The following SGCD variants were observed in gnomAD, a reference collection of about 807,000 sequenced individuals.
The protein encoded by SGCD is sarcoglycan delta, also known as delta-sarcoglycan.
Under a neutral mutation model 36.6 loss-of-function variants are expected in SGCD, and 18 were observed. The observed-to-expected ratio is 0.49, with a 90% confidence interval of 0.34 to 0.73. SGCD has a LOEUF of 0.73. SGCD is among the 30% of genes least tolerant of loss of function. The probability of loss-of-function intolerance (pLI) is 0.01; values close to 1 mark genes in which losing one functional copy is unlikely to be tolerated. For missense variants in SGCD, 387 were observed against 346.7 expected, an observed-to-expected ratio of 1.12 and a Z score of -0.92; for synonymous variants, 133 against 130.6, an observed-to-expected ratio of 1.02 and a Z score of -0.12.
chr5:156,033,873 A>G (rs894932704), intron 1 of SGCD, among the ~76,000 whole-genome samples: 2 of 152,144 alleles, frequency 1.3e-5, no homozygotes, highest in Admixed American at 6.6e-5. Flanking sequence ...ACTGGCTCAC[A>G]TTGCCCATTT....
the SGCD span, among the ~76,000 whole-genome samples, chr5:155,773,738 A>C: frequency 6.6e-6 from 1 of 152,156 alleles, no homozygotes; most frequent in Admixed American, 6.6e-5. Context: ...TGAAAGAGAC[A>C]ACATTTGGAT....
chr5:156,610,523 C>G (rs1761743378), intron 6 of SGCD, among the ~76,000 whole-genome samples: 1 of 152,244 alleles, frequency 6.6e-6, no homozygotes, highest in Non-Finnish European at 1.5e-5. Context: ...TGTCCGTTCT[C>G]AGATCTCCAG....
At chr5:155,965,973 A>C (rs1757894909) in intron 1 of SGCD, among the ~76,000 whole-genome samples, 2 of 152,026 alleles carry the variant, frequency 1.3e-5, no homozygotes, top group African/African-American at 2.4e-5. Context: ...GAGGAAAAAA[A>C]ATTTCCCTGC....
chr5:156,596,691 T>C (rs193273874), intron 6 of SGCD, among the ~76,000 whole-genome samples: 185 of 152,246 alleles, frequency 1.2e-3, no homozygotes, highest in African/African-American at 4.4e-3. Flanking sequence ...CACATACATG[T>C]CTAATTTCCT....
intron 1 of SGCD, among the ~76,000 whole-genome samples, chr5:155,995,153 C>A (rs142803687): frequency 2.6e-5 from 4 of 152,210 alleles, no homozygotes; most frequent in East Asian, 1.9e-4. Context: ...CACCTGGCAG[C>A]ACTCAGATGA....
chr5:156,514,406 G>A (rs1757070917), intron 4 of SGCD, among the ~76,000 whole-genome samples: 1 of 152,208 alleles, frequency 6.6e-6, no homozygotes, highest in Non-Finnish European at 1.5e-5. Context: ...CTCCATTTGA[G>A]GGTGGGTATA....
chr5:156,695,738 A>G (rs1371164031), intron 7 of SGCD, among the ~76,000 whole-genome samples: 3 of 152,272 alleles, frequency 2.0e-5, no homozygotes, highest in East Asian at 3.9e-4. Flanking sequence ...AGGACATATA[A>G]TTTTTGCATC....
At chr5:155,774,767 A>G in the SGCD span, among the ~76,000 whole-genome samples, 1 of 152,098 alleles carries the variant, frequency 6.6e-6, no homozygotes, top group Non-Finnish European at 1.5e-5. Context: ...CCCCACCTCA[A>G]GGTCCTTAAC....
intron 3 of SGCD, among the ~76,000 whole-genome samples, chr5:156,260,088 T>C (rs147966829): frequency 1.5e-3 from 236 of 152,316 alleles, no homozygotes; most frequent in Middle Eastern, 3.4e-3. Context: ...TTCTATTGGT[T>C]ACCTGTACTC....
At chr5:155,817,552 A>G in the SGCD span, among the ~76,000 whole-genome samples, 1 of 151,762 alleles carries the variant, frequency 6.6e-6, no homozygotes, top group East Asian at 1.9e-4. Flanking sequence ...TATTTTTTGT[A>G]TTTCCATTCA....
intron 3 of SGCD, among the ~76,000 whole-genome samples, chr5:156,128,100 A>G (rs1006163835): frequency 1.3e-5 from 2 of 152,180 alleles, no homozygotes; most frequent in African/African-American, 4.8e-5. Context: ...TATTTAACAT[A>G]CATATGAACA....
intron 1 of SGCD, among the ~76,000 whole-genome samples, chr5:156,012,060 T>C (rs370412595): frequency 1.3e-5 from 2 of 152,380 alleles, no homozygotes; most frequent in South Asian, 2.1e-4. Flanking sequence ...TATGTCACTA[T>C]TGCCTGTATA....
At chr5:156,744,828 G>A (rs1329603734) in intron 7 of SGCD, among the ~76,000 whole-genome samples, 2 of 152,130 alleles carry the variant, frequency 1.3e-5, no homozygotes, top group Non-Finnish European at 2.9e-5. Flanking sequence ...TTAAAGTTGA[G>A]CTGATTTTAT....
At chr5:156,212,317 T>A (rs1764464886) in intron 3 of SGCD, among the ~76,000 whole-genome samples, 1 of 152,148 alleles carries the variant, frequency 6.6e-6, no homozygotes, top group African/African-American at 2.4e-5. Flanking sequence ...GCATGTTCTT[T>A]GCAAATGGCA....
At chr5:156,616,218 T>C (rs951652558) in intron 6 of SGCD, among the ~76,000 whole-genome samples, 1 of 152,212 alleles carries the variant, frequency 6.6e-6, no homozygotes, top group Non-Finnish European at 1.5e-5. Context: ...AATACAACGA[T>C]GGCCTGAGTT....
At chr5:155,808,685 T>C in the SGCD span, among the ~76,000 whole-genome samples, 1 of 152,248 alleles carries the variant, frequency 6.6e-6, no homozygotes, top group Non-Finnish European at 1.5e-5. Flanking sequence ...ATCTAGCCAA[T>C]GGATTATTAT....
chr5:155,780,173 A>G, the SGCD span, among the ~76,000 whole-genome samples: 3 of 152,128 alleles, frequency 2.0e-5, no homozygotes, highest in Non-Finnish European at 4.4e-5. Context: ...CCATCTGATT[A>G]TAGCATGGAA....
chr5:156,073,359 A>G (rs1315497323), intron 1 of SGCD, among the ~76,000 whole-genome samples: 1 of 152,106 alleles, frequency 6.6e-6, no homozygotes, highest in African/African-American at 2.4e-5. Context: ...GGATTTCAAG[A>G]CCAGCCTGGG....
chr5:156,077,708 A>G (rs960916056), intron 1 of SGCD, among the ~76,000 whole-genome samples: 17 of 152,028 alleles, frequency 1.1e-4, no homozygotes, highest in African/African-American at 3.9e-4. Flanking sequence ...ACTCCTCAAT[A>G]CCACACCCCT....
Sources: allele counts gnomAD v4.1 joint callset (sites outside exome capture counted in the v4.1 genomes callset), GRCh38; gene constraint gnomAD v4.1.1; transcripts MANE v1.5; gene names NCBI Gene and HGNC (gene_info 2026-07-23, HGNC 2026-07-21).